GRID2: variants seen among roughly 807,000 people sequenced by gnomAD.
GRID2 encodes the protein glutamate receptor ionotropic, delta-2.
Under a neutral mutation model 114.8 loss-of-function variants are expected in GRID2, and 33 were observed. The ratio of observed to expected loss-of-function variants is 0.29; its 90% CI spans 0.22 to 0.38. The LOEUF (loss-of-function observed/expected upper bound fraction) is 0.38, where lower values mean the gene tolerates loss of function less well. GRID2 is among the 10% of genes least tolerant of loss of function. The probability of loss-of-function intolerance (pLI) is 1.00; values close to 1 mark genes in which losing one functional copy is unlikely to be tolerated. For missense variants in GRID2, 1,184 were observed against 1,257.7 expected (o/e 0.94, Z 0.89); for synonymous variants, 505 against 449.9 (o/e 1.12, Z -1.55).
intron 2 of GRID2, among the ~76,000 whole-genome samples, chr4:92,867,077 A>G (rs2149441672): frequency 6.6e-6 from 1 of 152,272 alleles, no homozygotes; most frequent in African/African-American, 2.4e-5. Context: ...ACATTTTAAG[A>G]AATTTAAGAA....
chr4:92,494,440 A>C (rs973556175), intron 1 of GRID2, among the ~76,000 whole-genome samples: 2 of 152,072 alleles, frequency 1.3e-5, no homozygotes, highest in African/African-American at 4.8e-5. Context: ...ATATAGACAC[A>C]GAAACATTTA....
intron 4 of GRID2, among the ~76,000 whole-genome samples, chr4:93,128,003 A>G (rs1258770588): frequency 7.3e-6 from 1 of 137,766 alleles, no homozygotes; most frequent in East Asian, 2.3e-4. Context: ...CTTGGGCAGC[A>G]GAGTAAGACC....
chr4:93,654,988 G>T (rs765790147), intron 14 of GRID2, among the ~76,000 whole-genome samples: 4 of 152,116 alleles, frequency 2.6e-5, no homozygotes, highest in Non-Finnish European at 5.9e-5. Flanking sequence ...TATCATTCTT[G>T]ATAAACTACT....
intron 4 of GRID2, among the ~76,000 whole-genome samples, chr4:93,150,024 G>T (rs145135911): frequency 6.6e-6 from 1 of 151,820 alleles, no homozygotes. Context: ...TTTGCACTTC[G>T]ACAGAGGGCA....
At chr4:93,560,471 C>T (rs1348209640) in intron 13 of GRID2, among the ~76,000 whole-genome samples, 7 of 151,892 alleles carry the variant, frequency 4.6e-5, no homozygotes, top group Non-Finnish European at 1.0e-4. Context: ...TTTTAAACAA[C>T]CAGATCTCAT....
At chr4:93,794,453 A>T (rs1734755635) in intron 1 of GRID2, among the ~76,000 whole-genome samples, 1 of 152,168 alleles carries the variant, frequency 6.6e-6, no homozygotes, top group South Asian at 2.1e-4. Flanking sequence ...CACCAGAACG[A>T]CTTAGGGAAA....
chr4:93,334,118 A>G (rs903035907), intron 8 of GRID2, among the ~76,000 whole-genome samples: 1 of 152,218 alleles, frequency 6.6e-6, no homozygotes, highest in African/African-American at 2.4e-5. Context: ...AGCAAGATGT[A>G]GAAAGTAGCT....
At chr4:92,915,054 G>A (rs540759407) in intron 2 of GRID2, among the ~76,000 whole-genome samples, 11 of 152,246 alleles carry the variant, frequency 7.2e-5, no homozygotes, top group Middle Eastern at 3.4e-3. Flanking sequence ...AATCATGGCC[G>A]AAGTTGAAGG....
chr4:93,595,644 T>G (rs1420020009), intron 13 of GRID2, among the ~76,000 whole-genome samples: 1 of 152,230 alleles, frequency 6.6e-6, no homozygotes, highest in African/African-American at 2.4e-5. Flanking sequence ...AAATGACTTA[T>G]CCCTGATTTC....
intron 8 of GRID2, among the ~76,000 whole-genome samples, chr4:93,376,043 G>A (rs181178260): frequency 3.5e-4 from 53 of 152,150 alleles, no homozygotes; most frequent in African/African-American, 1.2e-3. Flanking sequence ...TCTCTTTATG[G>A]TCTAATCTCC....
intron 1 of GRID2, among the ~76,000 whole-genome samples, chr4:92,331,166 T>G (rs1026364360): frequency 6.6e-6 from 1 of 152,198 alleles, no homozygotes; most frequent in African/African-American, 2.4e-5. Context: ...AGACTGACCT[T>G]GATTTACTTT....
rs574703566 is a variant in GRID2, at chr4:93,614,896, A to G, written c.2194-11373A>G. 1.2e-3 allele frequency among the ~76,000 whole-genome samples: 178 copies of G among 152,286 alleles called. 1 individual carries two copies. Among genetic ancestry groups the G allele is most frequent in the African/African-American group, 4.1e-3 (170 of 41,566 alleles). ...AATAACATGTTCTTTTCTGTCCCCA[A>G]ATATAGTAGGACAATTTTACTCTTT... On this transcript the variant is annotated intron_variant, in intron 13 of 15. Coordinates refer to ENST00000282020, the MANE Select transcript of GRID2 (RefSeq NM_001510.4).
chr4:92,943,419 T>G lies in GRID2; in HGVS notation c.245-141576T>G, dbSNP rs539285284. Among the ~76,000 whole-genome samples the G allele has an allele frequency of 9.8e-4, 149 of 152,336 alleles. 1 individual carries two copies. Among genetic ancestry groups the G allele is most frequent in the African/African-American group, 3.4e-3 (141 of 41,572 alleles). On this transcript the variant is annotated intron_variant, in intron 2 of 15. Coordinates refer to ENST00000282020, the MANE Select transcript of GRID2 (RefSeq NM_001510.4). ...ATCACATAGTTCTCATGCCATGGTT[T>G]TCAGCTCCATCAGGTCGTTTAAAGA...
intron 14 of GRID2, among the ~76,000 whole-genome samples, chr4:93,660,823 A>G (rs1029835885): frequency 3.3e-5 from 5 of 152,108 alleles, no homozygotes; most frequent in African/African-American, 1.2e-4. Context: ...TCCAGAGCCC[A>G]TGCAGATAAT....
chr4:92,356,848 G>T (rs1459994434), intron 1 of GRID2, among the ~76,000 whole-genome samples: 1 of 151,826 alleles, frequency 6.6e-6, no homozygotes, highest in Non-Finnish European at 1.5e-5. Context: ...TTGATGTGCA[G>T]GGGGAGGTAT....
chr4:93,353,967 G>C (rs891439614), intron 8 of GRID2, among the ~76,000 whole-genome samples: 8 of 151,708 alleles, frequency 5.3e-5, no homozygotes, highest in African/African-American at 1.9e-4. Context: ...TGACATTGTT[G>C]AATTATCGAT....
At chr4:92,622,758 C>T (rs1730333656) in intron 2 of GRID2, among the ~76,000 whole-genome samples, 1 of 151,644 alleles carries the variant, frequency 6.6e-6, no homozygotes, top group African/African-American at 2.4e-5. Context: ...AGCTTCATTC[C>T]TGCCTCTGAC....
chr4:93,455,541 A>G (rs1457876739), intron 10 of GRID2, 121 bp from the exon 11 acceptor site: 4 of 639,144 alleles, frequency 6.3e-6, no homozygotes, highest in African/African-American at 5.5e-5. Flanking sequence ...GTTTCAGTTT[A>G]TATAAAAAGA....
At chr4:92,646,719 A>G (rs1731650161) in intron 2 of GRID2, among the ~76,000 whole-genome samples, 1 of 152,250 alleles carries the variant, frequency 6.6e-6, no homozygotes, top group South Asian at 2.1e-4. Context: ...CATGGTGTCT[A>G]TTCAATATCT....
Sources: allele counts gnomAD v4.1 joint callset (sites outside exome capture counted in the v4.1 genomes callset), GRCh38; gene constraint gnomAD v4.1.1; transcripts MANE v1.5; gene names NCBI Gene and HGNC (gene_info 2026-07-23, HGNC 2026-07-21).